PLXNA4: variants seen among roughly 807,000 people sequenced by gnomAD.
PLXNA4 encodes plexin-A4.
A neutral mutation model predicts 191.8 loss-of-function variants in PLXNA4; 44 were observed. The observed-to-expected ratio is 0.23, with a 90% CI of 0.18 to 0.29. The LOEUF (loss-of-function observed/expected upper bound fraction) is 0.29, where lower values mean the gene tolerates loss of function less well. PLXNA4 is among the 10% of genes least tolerant of loss of function. The pLI, the probability that PLXNA4 is intolerant of heterozygous loss-of-function variation, is 1.00. For missense variants in PLXNA4, 1,800 were observed against 2,488.8 expected, an observed-to-expected ratio of 0.72 and a Z score of 5.89; for synonymous variants, 1,082 against 1,009.5, an observed-to-expected ratio of 1.07 and a Z score of -1.36.
chr7:132,619,775 T>C (rs1459034322), intron 2 of PLXNA4, among the ~76,000 whole-genome samples: 1 of 152,242 alleles, frequency 6.6e-6, no homozygotes, highest in African/African-American at 2.4e-5. Flanking sequence ...AACTACTAGG[T>C]AACAGCAGGA....
intron 1 of PLXNA4, among the ~76,000 whole-genome samples, chr7:132,531,645 G>A (rs1453957300): frequency 6.6e-6 from 1 of 152,154 alleles, no homozygotes; most frequent in African/African-American, 2.4e-5. Flanking sequence ...TTTTAGAACC[G>A]CTGTAATAGA....
intron 4 of PLXNA4, among the ~76,000 whole-genome samples, chr7:132,267,583 T>C (rs958456447): frequency 6.6e-6 from 1 of 152,234 alleles, no homozygotes. Flanking sequence ...TGGCAATCCT[T>C]GGAAACATCA....
chr7:132,229,477 TCAC>T (rs941060633), intron 5 of PLXNA4, among the ~76,000 whole-genome samples: 52 of 152,182 alleles, frequency 3.4e-4, no homozygotes, highest in African/African-American at 1.2e-3. Flanking sequence ...ACATGGGGCT[TCAC>T]CAAGTGGTCA....
chr7:132,333,545 G>A (rs1802682448), intron 3 of PLXNA4, among the ~76,000 whole-genome samples: 1 of 152,228 alleles, frequency 6.6e-6, no homozygotes, highest in African/African-American at 2.4e-5. Context: ...CCCACTGGGA[G>A]CTGCAATGGT....
At chr7:132,380,194 G>A (rs1040234769) in intron 3 of PLXNA4, among the ~76,000 whole-genome samples, 1 of 152,166 alleles carries the variant, frequency 6.6e-6, no homozygotes, top group Non-Finnish European at 1.5e-5. Context: ...AAATACCAAA[G>A]AACTAACCCT....
intron 31 of PLXNA4, among the ~76,000 whole-genome samples, chr7:132,132,287 A>G (rs1238703695): frequency 6.6e-6 from 1 of 152,192 alleles, no homozygotes; most frequent in East Asian, 1.9e-4. Flanking sequence ...CCAAAGCACC[A>G]TGGCACTGGC....
At chr7:132,371,806 C>T (rs1804452567) in intron 3 of PLXNA4, among the ~76,000 whole-genome samples, 1 of 152,166 alleles carries the variant, frequency 6.6e-6, no homozygotes, top group African/African-American at 2.4e-5. Context: ...CACACACATA[C>T]ACACACTCAC....
chr7:132,527,885 C>CA (rs1162792253), intron 1 of PLXNA4, among the ~76,000 whole-genome samples: 9 of 152,168 alleles, frequency 5.9e-5, no homozygotes, highest in African/African-American at 1.9e-4. Context: ...GGCACGAGAA[C>CA]AGAGCCCCTG....
intron 1 of PLXNA4, among the ~76,000 whole-genome samples, chr7:132,522,521 C>T (rs1799229641): frequency 6.6e-6 from 1 of 152,212 alleles, no homozygotes; most frequent in South Asian, 2.1e-4. Context: ...GTAATCCCAG[C>T]ACTTTAGGAT....
At chr7:132,278,858 A>G (rs538402711) in intron 4 of PLXNA4, among the ~76,000 whole-genome samples, 13 of 152,308 alleles carry the variant, frequency 8.5e-5, no homozygotes, top group African/African-American at 3.1e-4. Flanking sequence ...AAATATCAAG[A>G]TTGCAAGGCA....
intron 9 of PLXNA4, 95 bp downstream of exon 9, chr7:132,223,432 T>C (rs891920763): frequency 6.4e-6 from 7 of 1,098,330 alleles, no homozygotes; most frequent in Non-Finnish European, 8.1e-6. Flanking sequence ...TCCTGCACAG[T>C]TTTCCTTTGG....
At position 132,496,680 on chromosome 7, in the gene PLXNA4, A is replaced by G. The variant is rs142621981; in HGVS notation, c.1189-7206T>C. ...CTCCCAAAATGCTGAGATTATAGGC[A>G]TGAGCTACCACACCTGGCTAAAAAA... is the stretch of plus-strand genomic sequence containing the variant. On this transcript the variant is annotated intron_variant, in intron 2 of 31. Coordinates refer to ENST00000321063, the MANE Select transcript of PLXNA4 (RefSeq NM_020911.2). Among the ~76,000 whole-genome samples, 57 of 152,302 alleles carry G rather than the reference A, an allele frequency of 3.7e-4. 1 individual carries two copies. The South Asian group carries it at 0.01, about 28-fold the overall frequency.
chr7:132,323,106 A>C (rs2116648380), intron 3 of PLXNA4, among the ~76,000 whole-genome samples: 1 of 152,274 alleles, frequency 6.6e-6, no homozygotes, highest in Non-Finnish European at 1.5e-5. Flanking sequence ...GAGACTCATA[A>C]CTCAGGTGAC....
At chr7:132,210,323 G>A (rs138755441) in intron 10 of PLXNA4, among the ~76,000 whole-genome samples, 1 of 152,332 alleles carries the variant, frequency 6.6e-6, no homozygotes, top group African/African-American at 2.4e-5. Context: ...GAATTAGGTA[G>A]ACAGCTGTCG....
intron 9 of PLXNA4, among the ~76,000 whole-genome samples, chr7:132,216,282 C>G (rs1797960257): frequency 6.6e-6 from 1 of 152,186 alleles, no homozygotes; most frequent in South Asian, 2.1e-4. Flanking sequence ...CTATTAATAG[C>G]TGATAATCTG....
At chr7:132,270,082 CT>C (rs1277659745) in intron 4 of PLXNA4, among the ~76,000 whole-genome samples, 1 of 152,178 alleles carries the variant, frequency 6.6e-6, no homozygotes, top group Non-Finnish European at 1.5e-5. Context: ...AGAGAAACCA[CT>C]ATACGTAAAG....
chr7:132,154,493 A>G (rs147042411), intron 25 of PLXNA4, among the ~76,000 whole-genome samples: 2 of 151,804 alleles, frequency 1.3e-5, no homozygotes, highest in East Asian at 3.9e-4. Flanking sequence ...ATAGAAGTGC[A>G]TTATTTGCAC....
rs779302480 is a variant in PLXNA4 at position 132,146,558 on chromosome 7, C to T, written c.5007G>A (p.Gly1669=). Reference sequence around the variant, plus strand: ...GGTAGATTTCAGACACCATCTTGCTCCCCCGGTCCCCCTCCTTCTGGTCTC... The same window carrying T: ...GGTAGATTTCAGACACCATCTTGCTTCCCCGGTCCCCCTCCTTCTGGTCTC... ...EHGDQKEGDR[G]SKMVSEIYLT... The change falls in exon 28 of 32, where the codon GGG becomes GGA. Residue 1669 remains glycine, a synonymous_variant. Transcript: ENST00000321063. 3 of 1,614,142 alleles carry T rather than the reference C, an allele frequency of 1.9e-6. No individual in the cohort carries two copies. The highest frequency in any genetic ancestry group is 1.1e-5 in the South Asian group (1 of 91,070).
intron 20 of PLXNA4, among the ~76,000 whole-genome samples, chr7:132,179,305 A>T (rs1048482809): frequency 1.4e-5 from 2 of 147,208 alleles, no homozygotes; most frequent in Non-Finnish European, 3.0e-5. Flanking sequence ...ACACATACAC[A>T]TACATACACA....
Sources: gnomAD v4.1 joint callset for allele counts (sites outside exome capture counted in the v4.1 genomes callset) on GRCh38, gnomAD v4.1.1 for gene constraint, MANE v1.5 for transcripts, NCBI Gene and HGNC (gene_info 2026-07-23, HGNC 2026-07-21) for gene names.